Variants in CCDC97 observed in about 807,000 individuals in gnomAD.
CCDC97 encodes the protein coiled-coil domain-containing protein 97.
CCDC97 carries 27 observed loss-of-function variants against 33.9 expected under a neutral mutation model. That is an observed-to-expected ratio of 0.80 (90% CI 0.59 to 1.10). The LOEUF (loss-of-function observed/expected upper bound fraction) is 1.10. Ranked by LOEUF, CCDC97 falls within the 50% of genes least tolerant of loss-of-function variation. The probability of loss-of-function intolerance (pLI) is 0.00; values close to 1 mark genes in which losing one functional copy is unlikely to be tolerated. For synonymous variants in CCDC97, 217 were observed against 194.0 expected, an observed-to-expected ratio of 1.12 and a Z score of -0.99; for missense variants, 422 against 476.6, an observed-to-expected ratio of 0.89 and a Z score of 1.07.
intron 2 of CCDC97, among the ~76,000 whole-genome samples, chr19:41,317,584 G>T (rs2037763801): frequency 1.3e-5 from 2 of 151,920 alleles, no homozygotes; most frequent in Non-Finnish European, 2.9e-5. Flanking sequence ...TTAGCTGGGT[G>T]TGGTGGCGCC....
rs374299134 is a variant in CCDC97, at chr19:41,320,372, G to A, written c.813G>A (p.Trp271Ter). The change falls in exon 4 of 5, where the codon TGG becomes TGA. Residue 271 changes from tryptophan to a stop codon, truncating the protein, a stop_gained. Transcript: ENST00000269967. LOFTEE classifies it high-confidence loss of function. ...GGTCAGGCAAGGACTCGGAGGCCTG[G>A]GTTCCCGACTCGGAGGAGAGGCTGA... Reference protein sequence around the residue: ...DQRSGKDSEAWVPDSEERLIL... With the variant: ...DQRSGKDSEA 3.1e-6 allele frequency: 5 copies of A among 1,613,994 alleles called. No individual in the cohort carries two copies. Among genetic ancestry groups the A allele is most frequent in the Non-Finnish European group, 4.2e-6 (5 of 1,180,022 alleles).
Position 41,324,120 on chromosome 19 carries a change from T to C in CCDC97, c.*1405T>C, listed in dbSNP as rs2037857379. On this transcript the variant is annotated 3_prime_UTR_variant, in exon 5 of 5. Transcript: ENST00000269967. ...CTATGCCCTCTGGGTCAACCAGAAT[T>C]AGAGCCAGACAGGGAAAGTGAGAGC... 6.6e-6 allele frequency: 1 copy of C among 151,966 alleles called. No homozygotes were observed. The highest frequency in any genetic ancestry group is 1.5e-5 in the Non-Finnish European group (1 of 68,074). 9.4% of individuals were successfully genotyped at this position (151,966 alleles called of 1,614,324 possible).
In CCDC97 at chr19:41,322,829, C is replaced by A; in HGVS notation, c.*114C>A. On this transcript the variant is annotated 3_prime_UTR_variant, in exon 5 of 5. Coordinates refer to ENST00000269967, the MANE Select transcript of CCDC97 (RefSeq NM_052848.3). Reference sequence around the variant, plus strand: ...GGACATCAGGGCAGTGCCCCACAACCCACACACACCACCATCTCACTGGGT... The same window carrying A: ...GGACATCAGGGCAGTGCCCCACAACACACACACACCACCATCTCACTGGGT... The A allele has an allele frequency of 1.7e-6, 2 of 1,177,812 alleles. No homozygotes were observed. The highest frequency in any genetic ancestry group is 2.4e-6 in the Non-Finnish European group (2 of 837,658). 73.0% of individuals were successfully genotyped at this position (1,177,812 alleles called of 1,614,324 possible). A position where few individuals can be genotyped will look rare whatever the true frequency, so the allele number is the denominator to read the frequency against.
chr19:41,322,368 A>C (rs1197293562), intron 4 of CCDC97, among the ~76,000 whole-genome samples: 1 of 152,252 alleles, frequency 6.6e-6, no homozygotes, highest in Non-Finnish European at 1.5e-5. Flanking sequence ...CTGGGATTGC[A>C]GGCATGAGCC....
chr19:41,316,344 C>T (rs1301360915), intron 1 of CCDC97, 40 bp from the exon 2 acceptor site: 2 of 1,522,810 alleles, frequency 1.3e-6, no homozygotes, highest in Non-Finnish European at 1.8e-6. Flanking sequence ...TCCCTTCCCA[C>T]ACTCCCATCT....
rs1368490299 is a variant in CCDC97 at position 41,321,387 on chromosome 19, G to T, written c.911+917G>T. Reference sequence around the variant, plus strand: ...CTGTTCCCAAGCCAGGGCCCAGGAGGAAATTGGGGGTGGCAGGGACCACAG... The same window carrying T: ...CTGTTCCCAAGCCAGGGCCCAGGAGTAAATTGGGGGTGGCAGGGACCACAG... On this transcript the variant is annotated intron_variant, in intron 4 of 4. Coordinates refer to ENST00000269967, the MANE Select transcript of CCDC97 (RefSeq NM_052848.3). Among the ~76,000 whole-genome samples, 5 of 152,270 alleles carry T rather than the reference G, an allele frequency of 3.3e-5. No homozygotes were observed. The East Asian group carries it at 9.6e-4, about 29-fold the overall frequency.
In CCDC97 at chr19:41,310,307, C is replaced by A; in HGVS notation, c.-4C>A. 6.2e-7 allele frequency: 1 copy of A among 1,602,448 alleles called. No homozygotes were observed. The highest frequency in any genetic ancestry group is 2.3e-5 in the East Asian group (1 of 44,332). On this transcript the variant is annotated 5_prime_UTR_variant, in exon 1 of 5. Coordinates refer to ENST00000269967, the MANE Select transcript of CCDC97 (RefSeq NM_052848.3). ...GGGCGGTTGAAAAGTCCGAGAGAATCAGGATGGAGGCCGTGGCGACGGCGA... is the reference window on the plus strand; with the variant it reads ...GGGCGGTTGAAAAGTCCGAGAGAATAAGGATGGAGGCCGTGGCGACGGCGA...
chr19:41,314,754 C>T (rs1171073296), intron 1 of CCDC97, among the ~76,000 whole-genome samples: 2 of 152,128 alleles, frequency 1.3e-5, no homozygotes, highest in Admixed American at 1.3e-4. Context: ...AATCTCAGCA[C>T]TTTGGAAGCC....
chr19:41,311,359 C>G (rs113818138), intron 1 of CCDC97, among the ~76,000 whole-genome samples: 2 of 152,088 alleles, frequency 1.3e-5, no homozygotes, highest in African/African-American at 4.8e-5. Flanking sequence ...GCACTCCAGC[C>G]TCTGCAGCAG....
chr19:41,322,143 G>A (rs1311974890), intron 4 of CCDC97, among the ~76,000 whole-genome samples: 1 of 152,134 alleles, frequency 6.6e-6, no homozygotes, highest in Non-Finnish European at 1.5e-5. Flanking sequence ...ACCCAGGCTG[G>A]AATGTGGTGG....
chr19:41,317,942 T>C (rs1242848717), intron 2 of CCDC97, among the ~76,000 whole-genome samples: 1 of 149,144 alleles, frequency 6.7e-6, no homozygotes. Flanking sequence ...TCTCAGTTAC[T>C]TGGGAGGCTG....
rs1202862638 is a variant in CCDC97, at chr19:41,322,882, C to T, written c.*167C>T. The T allele has an allele frequency of 6.2e-6, 4 of 648,140 alleles. No homozygotes were observed. Among genetic ancestry groups the T allele is most frequent in the Non-Finnish European group, 7.3e-6 (3 of 412,068 alleles). The allele number at this position is 648,140 out of a possible 1,614,324, so 40.1% of individuals were successfully genotyped here. A position where few individuals can be genotyped will look rare whatever the true frequency, so the allele number is the denominator to read the frequency against. ...AGTCTCATCTCAGACAACCCCCACC[C>T]CCACTGTTTCTGGGGTTCCCTTTCT... On this transcript the variant is annotated 3_prime_UTR_variant, in exon 5 of 5. Coordinates refer to ENST00000269967, the MANE Select transcript of CCDC97 (RefSeq NM_052848.3).
At chr19:41,312,786 G>T (rs536601471) in intron 1 of CCDC97, among the ~76,000 whole-genome samples, 6 of 151,964 alleles carry the variant, frequency 3.9e-5, no homozygotes, top group African/African-American at 1.4e-4. Flanking sequence ...CCCTTTTGAC[G>T]TTGCCTTCTT....
rs2037858703 is a variant in CCDC97, at chr19:41,324,202, A to G, written c.*1487A>G. 1 of 152,246 alleles carries G rather than the reference A, an allele frequency of 6.6e-6. No individual in the cohort carries two copies. Among genetic ancestry groups the G allele is most frequent in the Non-Finnish European group, 1.5e-5 (1 of 68,052 alleles). The allele number at this position is 152,246 out of a possible 1,614,324, so 9.4% of individuals were successfully genotyped here. The stretch of plus-strand genomic sequence containing the variant: ...CTATTAAAGAACGAAAGCCTCTGCT[A>G]CGGAGCGCTTCTGTCCTCTGTCAGG... On this transcript the variant is annotated 3_prime_UTR_variant, in exon 5 of 5. Transcript: ENST00000269967.
In CCDC97 at chr19:41,320,516, C is replaced by T. The variant is rs566607100; in HGVS notation, c.911+46C>T. 20 of 1,611,746 alleles carry T rather than the reference C, an allele frequency of 1.2e-5. No individual in the cohort carries two copies. In the East Asian group the frequency reaches 1.6e-4, roughly 13 times the overall value. On this transcript the variant is annotated intron_variant, in intron 4 of 4. Transcript: ENST00000269967. ...CCCCATCCCCCAGCCCAGCATCCCA[C>T]GGCCTTTGGTCACATGCAGAGCCCT...
At chr19:41,317,541 G>A (rs1272734440) in intron 2 of CCDC97, among the ~76,000 whole-genome samples, 2 of 151,958 alleles carry the variant, frequency 1.3e-5, no homozygotes, top group African/African-American at 4.8e-5. Flanking sequence ...TGGGCAACAT[G>A]GCGAAATGCT....
chr19:41,313,902 G>C (rs2037714688), intron 1 of CCDC97, among the ~76,000 whole-genome samples: 2 of 152,148 alleles, frequency 1.3e-5, no homozygotes, highest in Admixed American at 6.5e-5. Context: ...GTTTCACCAT[G>C]TTGGCCAGGC....
intron 3 of CCDC97, 34 bp downstream of exon 3, chr19:41,319,886 A>T: frequency 9.7e-7 from 1 of 1,030,388 alleles, no homozygotes; most frequent in Non-Finnish European, 1.4e-6. Flanking sequence ...CCCAGATTCC[A>T]GACACCCCAG....
At chr19:41,312,947 T>G (rs930419293) in intron 1 of CCDC97, among the ~76,000 whole-genome samples, 4 of 152,052 alleles carry the variant, frequency 2.6e-5, no homozygotes, top group African/African-American at 9.7e-5. Flanking sequence ...ACCTGGCTAA[T>G]TTTTTGTATT....
Sources: allele counts gnomAD v4.1 joint callset (sites outside exome capture counted in the v4.1 genomes callset), GRCh38; gene constraint gnomAD v4.1.1; transcripts MANE v1.5; gene names NCBI Gene and HGNC (gene_info 2026-07-23, HGNC 2026-07-21).